GPC5: variants seen among roughly 807,000 people sequenced by gnomAD.
The protein encoded by GPC5 is glypican-5.
GPC5 carries 47 observed loss-of-function variants against 53.9 expected under a neutral mutation model. The observed-to-expected ratio is 0.87, with a 90% confidence interval of 0.69 to 1.11. The LOEUF is 1.11. Ranked by LOEUF, GPC5 falls within the 50% of genes most tolerant of loss-of-function variation. The probability of loss-of-function intolerance (pLI) is 0.00; values close to 1 mark genes in which losing one functional copy is unlikely to be tolerated. For synonymous variants in GPC5, 286 were observed against 263.3 expected (o/e 1.09, Z -0.84); for missense variants, 748 against 713.1 (o/e 1.05, Z -0.56).
intron 6 of GPC5, among the ~76,000 whole-genome samples, chr13:92,084,636 TG>T (rs1465012762): frequency 1.3e-5 from 2 of 152,334 alleles, no homozygotes; most frequent in Middle Eastern, 3.4e-3. Flanking sequence ...TCAAGCCCCA[TG>T]TCCTCATCTG....
chr13:92,529,940 C>T (rs1881495693), intron 7 of GPC5, among the ~76,000 whole-genome samples: 1 of 151,806 alleles, frequency 6.6e-6, no homozygotes, highest in Admixed American at 6.6e-5. Context: ...AAAAATTAGC[C>T]CAGCGTGGTA....
chr13:92,434,571 C>T (rs570741195), intron 7 of GPC5, among the ~76,000 whole-genome samples: 8 of 152,140 alleles, frequency 5.3e-5, no homozygotes, highest in Admixed American at 2.6e-4. Flanking sequence ...TATTACATCT[C>T]GTGATATCAG....
chr13:92,111,202 T>C (rs1000967315), intron 6 of GPC5, among the ~76,000 whole-genome samples: 1 of 152,136 alleles, frequency 6.6e-6, no homozygotes, highest in Non-Finnish European at 1.5e-5. Flanking sequence ...CCTTTACATG[T>C]GTCTGTCTTT....
intron 7 of GPC5, among the ~76,000 whole-genome samples, chr13:92,438,415 G>A (rs1225147095): frequency 2.7e-5 from 4 of 149,788 alleles, no homozygotes; most frequent in Non-Finnish European, 4.4e-5. Flanking sequence ...TATATTACGA[G>A]ACATGCCTTG....
intron 1 of GPC5, among the ~76,000 whole-genome samples, chr13:91,423,384 T>C (rs1158298911): frequency 6.6e-6 from 1 of 152,214 alleles, no homozygotes; most frequent in African/African-American, 2.4e-5. Context: ...CATTAAGGCT[T>C]ATAGTCTAAG....
At chr13:92,082,911 T>C (rs532421294) in intron 6 of GPC5, among the ~76,000 whole-genome samples, 2 of 152,308 alleles carry the variant, frequency 1.3e-5, no homozygotes, top group Non-Finnish European at 2.9e-5. Context: ...GAGATGTGTC[T>C]ACCTGGGATC....
intron 7 of GPC5, among the ~76,000 whole-genome samples, chr13:92,865,974 G>A (rs1879321577): frequency 6.6e-6 from 1 of 152,006 alleles, no homozygotes; most frequent in Non-Finnish European, 1.5e-5. Context: ...CCATACCTAG[G>A]ATATATTAAT....
chr13:92,534,303 A>C (rs1881656075), intron 7 of GPC5, among the ~76,000 whole-genome samples: 1 of 152,136 alleles, frequency 6.6e-6, no homozygotes, highest in Non-Finnish European at 1.5e-5. Flanking sequence ...ACAGAAGTCA[A>C]GTTCCTTAAA....
At chr13:91,838,442 G>A (rs530564555) in intron 5 of GPC5, among the ~76,000 whole-genome samples, 19 of 152,094 alleles carry the variant, frequency 1.2e-4, no homozygotes, top group South Asian at 4.2e-4. Flanking sequence ...GTTTTGTTTC[G>A]TTTTGTTTCT....
At chr13:91,517,753 T>C (rs1885580661) in intron 2 of GPC5, among the ~76,000 whole-genome samples, 2 of 152,156 alleles carry the variant, frequency 1.3e-5, no homozygotes, top group Non-Finnish European at 2.9e-5. Flanking sequence ...GACTTACAGT[T>C]CCCCATGGGT....
chr13:92,399,971 C>G (rs951678328), intron 7 of GPC5, among the ~76,000 whole-genome samples: 1 of 152,116 alleles, frequency 6.6e-6, no homozygotes, highest in Non-Finnish European at 1.5e-5. Flanking sequence ...GCTTTCATCA[C>G]TCAGTTTGTG....
intron 7 of GPC5, among the ~76,000 whole-genome samples, chr13:92,731,114 C>T (rs1888789754): frequency 6.6e-6 from 1 of 150,710 alleles, no homozygotes; most frequent in African/African-American, 2.4e-5. Flanking sequence ...CACCACTAGT[C>T]CAAGGAAAAG....
At chr13:91,696,179 T>C (rs530060629) in intron 3 of GPC5, among the ~76,000 whole-genome samples, 1 of 152,334 alleles carries the variant, frequency 6.6e-6, no homozygotes, top group East Asian at 1.9e-4. Context: ...AGCAGGTGAC[T>C]TTAGTATCTC....
chr13:92,045,064 A>C lies in GPC5; in HGVS notation c.1402-99766A>C, dbSNP rs559673336. Among the ~76,000 whole-genome samples the C allele has an allele frequency of 2.6e-5, 4 of 152,328 alleles. No homozygotes were observed. The South Asian group carries it at 8.3e-4, about 32-fold the overall frequency. On this transcript the variant is annotated intron_variant, in intron 6 of 7. Coordinates refer to ENST00000377067, the MANE Select transcript of GPC5 (RefSeq NM_004466.6). Reference sequence around the variant, plus strand: ...TATTATAGATGCATAGTTGGTTTAGAAAATATAGCTTGGATTTCAAACAAA... The same window carrying C: ...TATTATAGATGCATAGTTGGTTTAGCAAATATAGCTTGGATTTCAAACAAA...
rs1013205518 is a variant in GPC5, at chr13:91,783,021, C to T, written c.1280+26601C>T. On this transcript the variant is annotated intron_variant, in intron 5 of 7. Coordinates refer to ENST00000377067, the MANE Select transcript of GPC5 (RefSeq NM_004466.6). ...AAAAAAAACTTGAATTATAAATATA[C>T]AATTTCGGATCACCTGAGGTCAAGA... Among the ~76,000 whole-genome samples the T allele has an allele frequency of 1.3e-4, 20 of 151,664 alleles. 1 individual carries two copies. The highest frequency in any genetic ancestry group is 4.6e-4 in the African/African-American group (19 of 41,286).
intron 7 of GPC5, among the ~76,000 whole-genome samples, chr13:92,827,934 G>T (rs950510697): frequency 2.0e-5 from 3 of 152,102 alleles, no homozygotes; most frequent in Middle Eastern, 3.2e-3. Flanking sequence ...AAGGACACAT[G>T]AGACACTGAG....
chr13:92,119,567 A>ATTTTTTTTTTT (rs59391576), intron 6 of GPC5, among the ~76,000 whole-genome samples: 3 of 70,614 alleles, frequency 4.2e-5, no homozygotes, highest in African/African-American at 5.9e-5. Flanking sequence ...CGCCTGGCTA[A>ATTTTTTTTTTT]TTTTTTTTTT....
chr13:92,324,243 A>C (rs1395186888), intron 7 of GPC5, among the ~76,000 whole-genome samples: 1 of 152,024 alleles, frequency 6.6e-6, no homozygotes, highest in Non-Finnish European at 1.5e-5. Context: ...GAAAATTAAT[A>C]TGTTAACAAA....
At chr13:91,442,433 G>A (rs762301133) in intron 1 of GPC5, among the ~76,000 whole-genome samples, 3 of 152,018 alleles carry the variant, frequency 2.0e-5, no homozygotes, top group Non-Finnish European at 4.4e-5. Flanking sequence ...CTTAATAAAC[G>A]TTTAAGTGCA....
Sources: gnomAD v4.1 joint callset for allele counts (sites outside exome capture counted in the v4.1 genomes callset) on GRCh38, gnomAD v4.1.1 for gene constraint, MANE v1.5 for transcripts, NCBI Gene and HGNC (gene_info 2026-07-23, HGNC 2026-07-21) for gene names.